The following AGMO variants were observed in gnomAD, a reference collection of about 807,000 sequenced individuals.
The protein encoded by AGMO is alkylglycerol monooxygenase.
AGMO carries 75 observed loss-of-function variants against 60.2 expected under a neutral mutation model. The observed-to-expected ratio is 1.25, with a 90% CI of 1.03 to 1.51. The LOEUF is 1.51. Among genes scored for constraint, AGMO ranks in the 40% most tolerant of loss-of-function variants. The pLI, the probability that AGMO is intolerant of heterozygous loss-of-function variation, is 0.00. For missense variants in AGMO, 763 were observed against 525.5 expected (o/e 1.45, Z -4.42); for synonymous variants, 261 against 177.1 (o/e 1.47, Z -3.76).
chr7:15,200,066 G>A (rs1480745943), downstream of AGMO, among the ~76,000 whole-genome samples: 1 of 152,000 alleles, frequency 6.6e-6, no homozygotes, highest in African/African-American at 2.4e-5. Flanking sequence ...CATAGGCAAA[G>A]CTCAATGAAG....
chr7:15,280,113 T>C (rs1219239135), intron 12 of AGMO, among the ~76,000 whole-genome samples: 1 of 152,038 alleles, frequency 6.6e-6, no homozygotes, highest in Non-Finnish European at 1.5e-5. Flanking sequence ...AGCACAGAAA[T>C]TGGGCACCCC....
intron 12 of AGMO, among the ~76,000 whole-genome samples, chr7:15,218,874 T>C (rs544929355): frequency 3.9e-5 from 6 of 152,072 alleles, no homozygotes; most frequent in African/African-American, 1.2e-4. Flanking sequence ...AACAGAAAAA[T>C]TGAAAGAGAA....
intron 12 of AGMO, among the ~76,000 whole-genome samples, chr7:15,357,022 G>A (rs1782559565): frequency 6.6e-6 from 1 of 151,538 alleles, no homozygotes; most frequent in East Asian, 1.9e-4. Context: ...TACTCAGGAG[G>A]CTGAGGCAGG....
intron 10 of AGMO, among the ~76,000 whole-genome samples, chr7:15,369,059 G>A (rs1783097809): frequency 6.6e-6 from 1 of 152,040 alleles, no homozygotes; most frequent in Admixed American, 6.6e-5. Context: ...ACAAAAACCT[G>A]TGGCTGGTCC....
chr7:15,270,467 G>GTTAATTCT (rs1783564390), intron 12 of AGMO, among the ~76,000 whole-genome samples: 1 of 151,644 alleles, frequency 6.6e-6, no homozygotes, highest in Non-Finnish European at 1.5e-5. Flanking sequence ...TTGAAACGAG[G>GTTAATTCT]TTAATTCTTT....
intron 2 of AGMO, among the ~76,000 whole-genome samples, chr7:15,545,896 C>T (rs996268776): frequency 2.0e-5 from 3 of 151,694 alleles, no homozygotes; most frequent in African/African-American, 7.3e-5. Context: ...ATTAATCATT[C>T]TAGTTAATAA....
intron 10 of AGMO, among the ~76,000 whole-genome samples, chr7:15,366,694 C>A (rs1782997473): frequency 6.6e-6 from 1 of 151,972 alleles, no homozygotes; most frequent in African/African-American, 2.4e-5. Flanking sequence ...GGAGATTACA[C>A]ATATACACTC....
At chr7:15,478,223 G>A (rs563987096) in intron 3 of AGMO, among the ~76,000 whole-genome samples, 4 of 152,124 alleles carry the variant, frequency 2.6e-5, no homozygotes, top group South Asian at 2.1e-4. Context: ...CTAGAAATTA[G>A]AAGAAGTTGA....
In AGMO at chr7:15,354,517, TATA is replaced by T. The variant is rs1202573336; in HGVS notation, c.1263+10994_1263+10996del. Among the ~76,000 whole-genome samples, 19 of 101,440 alleles carry T rather than the reference TATA, an allele frequency of 1.9e-4. 2 individuals are homozygous for T. Among genetic ancestry groups the T allele is most frequent in the Admixed American group, 1.0e-3 (11 of 10,584 alleles). The allele number at this position is 101,440 out of a possible 152,430, so 66.5% of individuals were successfully genotyped here. ...ACGTGTATATATATATATATATATA[TATA>T]TATATATATATATATATATAGCTCC... On this transcript the variant is annotated intron_variant, in intron 12 of 12. Coordinates refer to ENST00000342526, the MANE Select transcript of AGMO (RefSeq NM_001004320.2).
intron 12 of AGMO, among the ~76,000 whole-genome samples, chr7:15,213,870 T>C (rs1251090285): frequency 6.6e-6 from 1 of 152,018 alleles, no homozygotes; most frequent in African/African-American, 2.4e-5. Context: ...AGTAAAAACA[T>C]GTAAAATGAA....
At chr7:15,434,941 A>G (rs574503718) in intron 3 of AGMO, among the ~76,000 whole-genome samples, 1 of 135,400 alleles carries the variant, frequency 7.4e-6, no homozygotes, top group East Asian at 2.2e-4. Context: ...AGTGTATCCT[A>G]TCAATAACAT....
At chr7:15,247,357 A>C (rs1778095784) in intron 12 of AGMO, among the ~76,000 whole-genome samples, 2 of 151,866 alleles carry the variant, frequency 1.3e-5, no homozygotes, top group Admixed American at 1.3e-4. Flanking sequence ...AAATATGATA[A>C]AACAAGGATA....
chr7:15,491,256 G>A (rs1211407130), intron 3 of AGMO, among the ~76,000 whole-genome samples: 1 of 152,110 alleles, frequency 6.6e-6, no homozygotes, highest in East Asian at 1.9e-4. Flanking sequence ...AATGAAATAT[G>A]AGCAATACAT....
rs149847445 is a variant in AGMO at position 15,449,646 on chromosome 7, C to A, written c.410-18538G>T. Among the ~76,000 whole-genome samples the A allele has an allele frequency of 1.8e-4, 28 of 152,250 alleles. No individual in the cohort carries two copies. The East Asian group carries it at 5.2e-3, about 28-fold the overall frequency. On this transcript the variant is annotated intron_variant, in intron 3 of 12. Transcript: ENST00000342526. Reference sequence around the variant, plus strand: ...TACCATCTAGGTTTGTGTAAGTACACTCTATGAGGTTTGCATAGCAGAATT... The same window carrying A: ...TACCATCTAGGTTTGTGTAAGTACAATCTATGAGGTTTGCATAGCAGAATT...
chr7:15,361,768 A>G (rs952838569), intron 12 of AGMO, among the ~76,000 whole-genome samples: 1 of 152,064 alleles, frequency 6.6e-6, no homozygotes, highest in South Asian at 2.1e-4. Flanking sequence ...TGCCAGAAAG[A>G]GGATAACTAT....
At chr7:15,404,310 TCAAA>T (rs1784629028) in intron 5 of AGMO, among the ~76,000 whole-genome samples, 1 of 152,040 alleles carries the variant, frequency 6.6e-6, no homozygotes, top group Admixed American at 6.6e-5. Context: ...ACATTATTCT[TCAAA>T]CAAAAAGACA....
At chr7:15,124,961 A>G in the AGMO span, among the ~76,000 whole-genome samples, 1 of 152,082 alleles carries the variant, frequency 6.6e-6, no homozygotes, top group African/African-American at 2.4e-5. Context: ...ATCAGTCACA[A>G]AAGAGAGTTT....
chr7:15,380,758 A>G (rs963118615), intron 10 of AGMO, among the ~76,000 whole-genome samples: 3 of 152,212 alleles, frequency 2.0e-5, no homozygotes, highest in Non-Finnish European at 4.4e-5. Context: ...AGCTGGGGAC[A>G]TAACATTATC....
At chr7:15,129,955 G>A in the AGMO span, among the ~76,000 whole-genome samples, 1 of 152,126 alleles carries the variant, frequency 6.6e-6, no homozygotes, top group African/African-American at 2.4e-5. Context: ...GTAATCCCAA[G>A]GGTTTAATTT....
Sources: allele counts gnomAD v4.1 joint callset (sites outside exome capture counted in the v4.1 genomes callset), GRCh38; gene constraint gnomAD v4.1.1; transcripts MANE v1.5; gene names NCBI Gene and HGNC (gene_info 2026-07-23, HGNC 2026-07-21).